CUX1: variants seen among roughly 807,000 people sequenced by gnomAD.
CUX1 encodes the protein cut like homeobox 1, also known as protein CASP.
In CUX1, 31 loss-of-function variants were observed where a neutral mutation model predicts 158.8. The ratio of observed to expected loss-of-function variants is 0.20; its 90% CI spans 0.15 to 0.26. The LOEUF is 0.26. CUX1 is among the 10% of genes least tolerant of loss of function. CUX1 has a pLI of 1.00. For missense variants in CUX1, 1,589 were observed against 2,014.6 expected (o/e 0.79, Z 4.04); for synonymous variants, 879 against 862.1 (o/e 1.02, Z -0.34).
At chr7:102,093,973 G>C (rs563435509) in intron 4 of CUX1, among the ~76,000 whole-genome samples, 1 of 152,148 alleles carries the variant, frequency 6.6e-6, no homozygotes, top group Non-Finnish European at 1.5e-5. Context: ...GGCATCTGAC[G>C]TTCGCATAAG....
intron 2 of CUX1, among the ~76,000 whole-genome samples, chr7:101,964,413 T>G (rs1282440363): frequency 6.6e-6 from 1 of 152,132 alleles, no homozygotes; most frequent in African/African-American, 2.4e-5. Flanking sequence ...TCACCAAATT[T>G]TGTATGTTTT....
At chr7:101,998,971 G>A (rs1178816975) in intron 2 of CUX1, among the ~76,000 whole-genome samples, 1 of 152,138 alleles carries the variant, frequency 6.6e-6, no homozygotes, top group Non-Finnish European at 1.5e-5. Context: ...TGCCTCTGCA[G>A]CATTTCCCTC....
intron 1 of CUX1, among the ~76,000 whole-genome samples, chr7:101,908,301 A>G (rs572857274): frequency 6.6e-6 from 1 of 152,298 alleles, no homozygotes; most frequent in African/African-American, 2.4e-5. Context: ...ATGCACCACC[A>G]TGCCTGGCTG....
At chr7:101,817,268 C>A (rs1259549953), upstream of CUX1, 1 of 984,776 alleles carries the variant, frequency 1.0e-6, no homozygotes, top group Non-Finnish European at 1.2e-6. This position sits in a 1 kb window ranked among gnomAD's most constrained non-coding sequence, Gnocchi z 4.1. Flanking sequence ...TCCGGCGGCC[C>A]CCGGTGACCT....
chr7:102,203,839 G>A (rs567748838), intron 18 of CUX1, among the ~76,000 whole-genome samples: 16 of 152,210 alleles, frequency 1.1e-4, no homozygotes, highest in African/African-American at 3.1e-4. Context: ...CTCCCAGGCC[G>A]GCTCCCCAGG....
chr7:101,894,600 C>T (rs1477606359), intron 1 of CUX1, among the ~76,000 whole-genome samples: 1 of 152,238 alleles, frequency 6.6e-6, no homozygotes, highest in African/African-American at 2.4e-5. Context: ...GCGTGAGCCC[C>T]TGCGCCCGGC....
chr7:101,955,349 C>A (rs1228391219), intron 2 of CUX1, among the ~76,000 whole-genome samples: 2 of 152,206 alleles, frequency 1.3e-5, no homozygotes, highest in African/African-American at 2.4e-5. Context: ...CTTGTATTCA[C>A]TGTGCTGAGT....
intron 3 of CUX1, among the ~76,000 whole-genome samples, chr7:102,037,258 T>A (rs552497664): frequency 3.9e-5 from 6 of 152,314 alleles, no homozygotes; most frequent in African/African-American, 1.4e-4. Context: ...GAAACACAAA[T>A]TACAAGGAGA....
chr7:101,816,154 TCCGCCGGGGGCCCCGGGCTGGCCCAG>T (rs1210913299), upstream of CUX1: 7 of 964,202 alleles, frequency 7.3e-6, no homozygotes, highest in Non-Finnish European at 9.0e-6. Context: ...GGTCGCGGCC[TCCGCCGGGGGCCCCGGGCTGGCCCAG>T]CCGCCGGGGG....
chr7:102,073,706 A>G (rs2130638802), intron 4 of CUX1, among the ~76,000 whole-genome samples: 1 of 152,294 alleles, frequency 6.6e-6, no homozygotes, highest in African/African-American at 2.4e-5. Context: ...ATTTTATAGA[A>G]TTTTGATCAT....
intron 2 of CUX1, among the ~76,000 whole-genome samples, chr7:101,994,330 C>CAGT (rs1336993842): frequency 6.6e-6 from 1 of 152,210 alleles, no homozygotes; most frequent in African/African-American, 2.4e-5. Context: ...AGGCCAGGGG[C>CAGT]AGTAGCTCAT....
chr7:102,205,871 T>C (rs537056385), intron 20 of CUX1, among the ~76,000 whole-genome samples: 1 of 151,956 alleles, frequency 6.6e-6, no homozygotes, highest in East Asian at 1.9e-4. Context: ...GCTCCCAGGC[T>C]CTCGTCTGCG....
intron 1 of CUX1, among the ~76,000 whole-genome samples, chr7:101,847,786 G>A (rs1003088791): frequency 4.6e-5 from 7 of 151,926 alleles, no homozygotes; most frequent in African/African-American, 1.7e-4. Flanking sequence ...CTGCTTTAAA[G>A]GCCAGGCATG....
chr7:101,896,691 A>C (rs1465997265), intron 1 of CUX1, among the ~76,000 whole-genome samples: 1 of 152,212 alleles, frequency 6.6e-6, no homozygotes, highest in Non-Finnish European at 1.5e-5. Flanking sequence ...ATGAATTCTC[A>C]GTCATGGAAT....
chr7:102,190,407 C>A (rs1318395862), intron 12 of CUX1, among the ~76,000 whole-genome samples: 1 of 152,184 alleles, frequency 6.6e-6, no homozygotes, highest in Non-Finnish European at 1.5e-5. Flanking sequence ...CAGCAGCCCC[C>A]ACCTCTGCCT....
At chr7:102,158,300 G>A (rs1790013566) in intron 8 of CUX1, among the ~76,000 whole-genome samples, 2 of 152,024 alleles carry the variant, frequency 1.3e-5, no homozygotes, top group Non-Finnish European at 2.9e-5. Context: ...TATTTTTATG[G>A]TTATGTCTCC....
rs1804171761 is a variant in CUX1, at chr7:101,916,137, C to T, written c.53C>T (p.Thr18Met). The T allele has an allele frequency of 5.6e-6, 9 of 1,613,356 alleles. No homozygotes were observed. Among genetic ancestry groups the T allele is most frequent in the Non-Finnish European group, 7.6e-6 (9 of 1,179,542 alleles). Residue 18 changes from threonine (T) to methionine (M), a missense_variant, in exon 2 of 24, where the codon ACG becomes ATG. This residue lies in a region of CUX1 where 63 missense variants were observed against 109.2 expected (regional missense o/e 0.58). Coordinates refer to ENST00000292535, the MANE Select transcript of CUX1 (RefSeq NM_181552.4). This position sits in a 1 kb window ranked among gnomAD's most constrained non-coding sequence, Gnocchi z 4.4. ...CAGAGAGAACTCGATGCCACCGCAACGGTATTGGCGAACCGGCAGGATGAA... is the reference window on the plus strand; with the variant it reads ...CAGAGAGAACTCGATGCCACCGCAATGGTATTGGCGAACCGGCAGGATGAA... ...RLKRELDATA[T>M]VLANRQDESE...
chr7:102,263,780 C>T (rs565843155), intron 14 of CUX1, among the ~76,000 whole-genome samples: 4 of 152,008 alleles, frequency 2.6e-5, no homozygotes, highest in African/African-American at 7.2e-5. Context: ...GCAACCTCCA[C>T]CTCCGGGGTT....
At chr7:102,118,393 C>G (rs1427754311) in intron 8 of CUX1, among the ~76,000 whole-genome samples, 5 of 152,102 alleles carry the variant, frequency 3.3e-5, no homozygotes, top group Non-Finnish European at 7.3e-5. Flanking sequence ...CAAAAATTAT[C>G]CTGGCATGGT....
Sources: gnomAD v4.1 joint callset for allele counts (sites outside exome capture counted in the v4.1 genomes callset) on GRCh38, gnomAD v4.1.1 for gene constraint, gnomAD v4.1.1 regional missense constraint, Gnocchi (gnomAD v3.1) non-coding constraint, MANE v1.5 for transcripts, NCBI Gene and HGNC (gene_info 2026-07-23, HGNC 2026-07-21) for gene names.